Variants in KALRN observed in about 807,000 individuals in gnomAD.
KALRN encodes the protein kalirin.
A neutral mutation model predicts 353.7 loss-of-function variants in KALRN; 70 were observed. That is an observed-to-expected ratio of 0.20 (90% CI 0.16 to 0.24). KALRN has a LOEUF of 0.24. Ranked by LOEUF, KALRN falls within the 10% of genes least tolerant of loss-of-function variation. KALRN has a pLI of 1.00. For missense variants in KALRN, 2,791 were observed against 3,756.7 expected, an observed-to-expected ratio of 0.74 and a Z score of 6.72; for synonymous variants, 1,391 against 1,434.8, an observed-to-expected ratio of 0.97 and a Z score of 0.69.
intron 1 of KALRN, among the ~76,000 whole-genome samples, chr3:124,066,653 C>A (rs954532187): frequency 6.6e-6 from 1 of 152,142 alleles, no homozygotes. Flanking sequence ...ACCGCTTCAC[C>A]CTCCTTGCTT....
At chr3:124,492,276 C>A (rs1236776403) in intron 31 of KALRN, among the ~76,000 whole-genome samples, 1 of 152,210 alleles carries the variant, frequency 6.6e-6, no homozygotes, top group Admixed American at 6.5e-5. Flanking sequence ...AAACCCAGGA[C>A]TGATTTCTAG....
At chr3:124,142,394 A>G (rs533115804) in intron 1 of KALRN, among the ~76,000 whole-genome samples, 1 of 152,320 alleles carries the variant, frequency 6.6e-6, no homozygotes, top group South Asian at 2.1e-4. Context: ...ATCCTGCACA[A>G]TGTTGAATGA....
chr3:124,654,602 C>T (rs1408571167), intron 38 of KALRN, among the ~76,000 whole-genome samples: 1 of 152,190 alleles, frequency 6.6e-6, no homozygotes, highest in Non-Finnish European at 1.5e-5. Context: ...TTATGTAAAG[C>T]TCTTTAGTGT....
intron 3 of KALRN, among the ~76,000 whole-genome samples, chr3:124,247,737 A>G (rs2070516148): frequency 6.6e-6 from 1 of 152,158 alleles, no homozygotes; most frequent in Admixed American, 6.5e-5. Context: ...TCCTTTCCAG[A>G]CAATATTTTC....
intron 1 of KALRN, among the ~76,000 whole-genome samples, chr3:124,149,362 C>T (rs772764468): frequency 5.9e-5 from 9 of 152,204 alleles, no homozygotes; most frequent in Non-Finnish European, 1.2e-4. Context: ...GTCTTGGCAC[C>T]TACCTATCTC....
chr3:124,553,154 A>T (rs906460902), intron 33 of KALRN, among the ~76,000 whole-genome samples: 2 of 152,256 alleles, frequency 1.3e-5, no homozygotes, highest in Admixed American at 6.5e-5. Flanking sequence ...TACTGGATAA[A>T]CAATATATAA....
intron 1 of KALRN, among the ~76,000 whole-genome samples, chr3:124,145,606 C>T (rs74921550): frequency 2.3e-3 from 344 of 152,350 alleles, no homozygotes; most frequent in African/African-American, 7.6e-3. Context: ...TCTGTGCCCA[C>T]TTCACATAAA....
At chr3:124,422,735 T>C in intron 14 of KALRN, 77 bp from the exon 15 acceptor site, 1 of 1,212,798 alleles carries the variant, frequency 8.2e-7, no homozygotes, top group East Asian at 2.4e-5. Flanking sequence ...AATTCCAGTT[T>C]TCTTATGCAT....
chr3:124,696,976 A>G (rs2062082748), intron 54 of KALRN, among the ~76,000 whole-genome samples: 2 of 152,074 alleles, frequency 1.3e-5, no homozygotes. Flanking sequence ...GCTGGAGTGC[A>G]GTAGCATGAC....
chr3:124,714,628 G>A (rs773311418), intron 58 of KALRN, among the ~76,000 whole-genome samples: 6 of 152,324 alleles, frequency 3.9e-5, no homozygotes, highest in African/African-American at 4.8e-5. Flanking sequence ...CTGAGCCCTC[G>A]CTATGCACCA....
chr3:124,601,217 T>C (rs1023461784), intron 34 of KALRN, among the ~76,000 whole-genome samples: 1 of 152,234 alleles, frequency 6.6e-6, no homozygotes, highest in African/African-American at 2.4e-5. Flanking sequence ...TGAAAAAGTA[T>C]GTGTGTATCA....
intron 1 of KALRN, among the ~76,000 whole-genome samples, chr3:124,226,449 A>G (rs1292511352): frequency 6.6e-6 from 1 of 152,182 alleles, no homozygotes; most frequent in Non-Finnish European, 1.5e-5. Context: ...TGAGCCTTGT[A>G]GCTGGTTCTC....
At chr3:124,178,314 G>A (rs998589778) in intron 1 of KALRN, among the ~76,000 whole-genome samples, 11 of 152,044 alleles carry the variant, frequency 7.2e-5, no homozygotes, top group African/African-American at 1.5e-4. Context: ...TTATAAATTA[G>A]CCACCATAAG....
At chr3:124,647,203 G>A (rs765487070) in intron 37 of KALRN, among the ~76,000 whole-genome samples, 37 of 152,062 alleles carry the variant, frequency 2.4e-4, no homozygotes, top group Non-Finnish European at 4.3e-4. Context: ...CACCATTCCC[G>A]GCCAAGTCTC....
intron 1 of KALRN, among the ~76,000 whole-genome samples, chr3:124,043,830 G>A (rs1217816836): frequency 6.6e-6 from 1 of 152,112 alleles, no homozygotes; most frequent in Non-Finnish European, 1.5e-5. Context: ...GGCTGTAGTG[G>A]GGTCTGCAGA....
chr3:124,623,049 T>C, intron 34 of KALRN, among the ~76,000 whole-genome samples: 1 of 152,120 alleles, frequency 6.6e-6, no homozygotes, highest in East Asian at 1.9e-4. Context: ...TTCCTACCGA[T>C]GTCTATACAG....
chr3:124,047,553 C>A (rs1008151433), intron 1 of KALRN, among the ~76,000 whole-genome samples: 1 of 144,522 alleles, frequency 6.9e-6, no homozygotes, highest in Non-Finnish European at 1.5e-5. Flanking sequence ...AGTGCAGTGG[C>A]GCGATCTCTG....
intron 14 of KALRN, among the ~76,000 whole-genome samples, chr3:124,420,702 A>G (rs2092739236): frequency 6.6e-6 from 1 of 152,194 alleles, no homozygotes; most frequent in South Asian, 2.1e-4. Flanking sequence ...AGATACTGAA[A>G]TTATTACCAT....
chr3:124,513,398 G>A (rs1268831597), intron 33 of KALRN, among the ~76,000 whole-genome samples: 3 of 152,100 alleles, frequency 2.0e-5, no homozygotes, highest in Admixed American at 1.3e-4. Flanking sequence ...GGTTCCCAGA[G>A]TGACTCAGCA....
Sources: gnomAD v4.1 joint callset for allele counts (sites outside exome capture counted in the v4.1 genomes callset) on GRCh38, gnomAD v4.1.1 for gene constraint, MANE v1.5 for transcripts, NCBI Gene and HGNC (gene_info 2026-07-23, HGNC 2026-07-21) for gene names.